The following FPR2 variants were observed in gnomAD, a reference collection of about 807,000 sequenced individuals.
FPR2 encodes formyl peptide receptor 2, also known as N-formyl peptide receptor 2.
FPR2 carries 3 observed loss-of-function variants against 4.0 expected under a neutral mutation model. The observed-to-expected ratio is 0.74, with a 90% CI of 0.34 to 1.92. The LOEUF (loss-of-function observed/expected upper bound fraction) is 1.92. Ranked by LOEUF, FPR2 falls within the 30% of genes most tolerant of loss-of-function variation. FPR2 has a pLI of 0.07. For missense variants in FPR2, 372 were observed against 435.7 expected (o/e 0.85, Z 1.30); for synonymous variants, 179 against 171.5 (o/e 1.04, Z -0.34).
At position 51,770,116 on chromosome 19, in the gene FPR2, A is replaced by T. The variant is rs2083892976; in HGVS notation, c.*402A>T. On this transcript the variant is annotated 3_prime_UTR_variant, in exon 2 of 2. Coordinates refer to ENST00000340023, the MANE Select transcript of FPR2 (RefSeq NM_001005738.2). Reference sequence around the variant, plus strand: ...GTTTTCTTCTATTTTTAGTTTGCTAAGAGTTTTCTGTTTCTTTTTCTTACA... The same window carrying T: ...GTTTTCTTCTATTTTTAGTTTGCTATGAGTTTTCTGTTTCTTTTTCTTACA... 5.6e-6 allele frequency: 1 copy of T among 178,614 alleles called. No homozygotes were observed. Among genetic ancestry groups the T allele is most frequent in the South Asian group, 1.6e-4 (1 of 6,334 alleles). 11.1% of individuals were successfully genotyped at this position (178,614 alleles called of 1,614,324 possible).
At chr19:51,765,761 T>A (rs1268318775) in intron 1 of FPR2, among the ~76,000 whole-genome samples, 1 of 152,178 alleles carries the variant, frequency 6.6e-6, no homozygotes, top group Admixed American at 6.5e-5. Flanking sequence ...GATTTCCACA[T>A]CTATTCTCAC....
chr19:51,769,264 G>T lies in FPR2; in HGVS notation c.606G>T (p.Gly202=). The change falls in exon 2 of 2, where the codon GGG becomes GGT. Residue 202 remains glycine (G), a synonymous_variant. Transcript: ENST00000340023. This position sits in a 1 kb window ranked among gnomAD's most constrained non-coding sequence, Gnocchi z 4.4. ...KVAITMLTAR[G]IIRFVIGFSL... ...CCATTACCATGCTGACAGCCAGAGG[G>T]ATTATCCGGTTTGTCATTGGCTTTA... is the stretch of plus-strand genomic sequence containing the variant. 1 of 1,614,210 alleles carries T rather than the reference G, an allele frequency of 6.2e-7. No individual in the cohort carries two copies. The highest frequency in any genetic ancestry group is 8.5e-7 in the Non-Finnish European group (1 of 1,180,044).
chr19:51,766,613 C>T (rs1340460631), intron 1 of FPR2, among the ~76,000 whole-genome samples: 2 of 152,166 alleles, frequency 1.3e-5, no homozygotes, highest in Admixed American at 1.3e-4. Flanking sequence ...CTTTCAAAGG[C>T]AGGACTTCCG....
At chr19:51,762,085 CTTTTT>C (rs373394742) in intron 1 of FPR2, among the ~76,000 whole-genome samples, 1 of 129,942 alleles carries the variant, frequency 7.7e-6, no homozygotes, top group Non-Finnish European at 1.6e-5. Context: ...TTTATTGGAC[CTTTTT>C]TTTTTTTTTT....
At chr19:51,768,200 AG>A (rs1294876983) in intron 1 of FPR2, among the ~76,000 whole-genome samples, 1 of 152,228 alleles carries the variant, frequency 6.6e-6, no homozygotes, top group African/African-American at 2.4e-5. Context: ...TTTGAGGGAC[AG>A]GAGTTGGGAG....
Position 51,769,332 on chromosome 19 carries a change from C to T in FPR2, c.674C>T (p.Ala225Val). 4.3e-6 allele frequency: 7 copies of T among 1,614,192 alleles called. No individual in the cohort carries two copies. Among genetic ancestry groups the T allele is most frequent in the Non-Finnish European group, 5.9e-6 (7 of 1,180,032 alleles). Residue 225 changes from alanine to valine, a missense_variant, in exon 2 of 2, where the codon GCA becomes GTA. Coordinates refer to ENST00000340023, the MANE Select transcript of FPR2 (RefSeq NM_001005738.2). The surrounding 1 kb of genome is among the most constrained non-coding windows in gnomAD (Gnocchi z 4.4). ...GTTGCCATCTGCTATGGGCTCATTG[C>T]AGCCAAGATCCACAAAAAGGGCATG... ...SIVAICYGLIAAKIHKKGMIK... is the reference protein window; with the variant it reads ...SIVAICYGLIVAKIHKKGMIK...
At chr19:51,764,558 C>T (rs1005181963) in intron 1 of FPR2, among the ~76,000 whole-genome samples, 5 of 152,128 alleles carry the variant, frequency 3.3e-5, no homozygotes, top group African/African-American at 4.8e-5. Flanking sequence ...AAGTCACTTC[C>T]GCTCTCTGAG....
intron 1 of FPR2, among the ~76,000 whole-genome samples, chr19:51,766,658 C>T (rs1200018956): frequency 2.6e-5 from 4 of 152,126 alleles, no homozygotes; most frequent in East Asian, 1.9e-4. Flanking sequence ...TTGTTCATCT[C>T]GGTTTCCGTA....
chr19:51,768,548 G>C, intron 1 of FPR2, 97 bp from the exon 2 acceptor site: 1 of 947,052 alleles, frequency 1.1e-6, no homozygotes, highest in South Asian at 1.7e-5. Flanking sequence ...TCTCCTGGTA[G>C]GAGTGGGAGC....
At chr19:51,763,035 T>G (rs1183128525) in intron 1 of FPR2, 1 of 152,198 alleles carries the variant, frequency 6.6e-6, no homozygotes, top group Non-Finnish European at 1.5e-5. Context: ...ACTGTTTGGT[T>G]GAGCCACGTT....
chr19:51,764,032 T>C (rs1360036590), intron 1 of FPR2, among the ~76,000 whole-genome samples: 3 of 152,208 alleles, frequency 2.0e-5, no homozygotes, highest in African/African-American at 7.2e-5. Context: ...ATGTTGGGAT[T>C]ACAGGTGTGA....
chr19:51,765,802 A>G (rs1256797796), intron 1 of FPR2, among the ~76,000 whole-genome samples: 1 of 152,202 alleles, frequency 6.6e-6, no homozygotes, highest in African/African-American at 2.4e-5. Flanking sequence ...AGACTTCACC[A>G]TAAAATTGTC....
intron 1 of FPR2, among the ~76,000 whole-genome samples, chr19:51,765,444 A>G (rs2083863042): frequency 6.6e-6 from 1 of 152,174 alleles, no homozygotes; most frequent in Admixed American, 6.5e-5. Flanking sequence ...AATGGCAAAA[A>G]CAGCGTTACT....
chr19:51,768,807 T>C lies in FPR2; in HGVS notation c.149T>C (p.Val50Ala). 6.2e-7 allele frequency: 1 copy of C among 1,614,132 alleles called. No individual in the cohort carries two copies. Among genetic ancestry groups the C allele is most frequent in the Non-Finnish European group, 8.5e-7 (1 of 1,180,020 alleles). The change falls in exon 2 of 2, where the codon GTG becomes GCG. Residue 50 changes from valine to alanine, a missense_variant. By Grantham distance (64) the Val-to-Ala change is moderately conservative (BLOSUM62 0). Transcript: ENST00000340023. ...CTGGGCAATGGGCTTGTGATCTGGG[T>C]GGCTGGATTCCGGATGACACGCACA... The part of the protein sequence containing the change: ...GVLGNGLVIW[V>A]AGFRMTRTVT...
At chr19:51,762,961 T>A (rs2083847783) in intron 1 of FPR2, 1 of 152,198 alleles carries the variant, frequency 6.6e-6, no homozygotes, top group South Asian at 2.1e-4. Context: ...AACAACTGAA[T>A]GTTTAAACTC....
rs188134333 is a variant in FPR2 at position 51,764,069 on chromosome 19, T to C, written c.-15+2839T>C. 1.1e-4 allele frequency among the ~76,000 whole-genome samples: 16 copies of C among 152,326 alleles called. No homozygotes were observed. The East Asian group carries it at 2.9e-3, about 28-fold the overall frequency. The stretch of plus-strand genomic sequence containing the variant: ...CCACGGCACCTGGCCAAGGATGGTT[T>C]CTTTTTAAAGGGAGGGGATATGATT... On this transcript the variant is annotated intron_variant, in intron 1 of 1. Transcript: ENST00000340023.
intron 1 of FPR2, among the ~76,000 whole-genome samples, chr19:51,761,581 A>G (rs535171388): frequency 6.6e-6 from 1 of 152,198 alleles, no homozygotes; most frequent in Non-Finnish European, 1.5e-5. Context: ...GTTGTAAGTC[A>G]CGTGTGTGGC....
intron 1 of FPR2, 34 bp from the exon 2 acceptor site, chr19:51,768,611 C>T (rs1362112765): frequency 6.6e-7 from 1 of 1,508,294 alleles, no homozygotes; most frequent in African/African-American, 1.4e-5. Context: ...GATGGTTCCA[C>T]AGCTGAGAAA....
At chr19:51,764,354 T>G (rs372493237) in intron 1 of FPR2, among the ~76,000 whole-genome samples, 2 of 152,160 alleles carry the variant, frequency 1.3e-5, no homozygotes, top group African/African-American at 4.8e-5. Context: ...CTCATTATAA[T>G]GTCAGTCAAG....
Sources: gnomAD v4.1 joint callset for allele counts (sites outside exome capture counted in the v4.1 genomes callset) on GRCh38, gnomAD v4.1.1 for gene constraint, Gnocchi (gnomAD v3.1) non-coding constraint, MANE v1.5 for transcripts, NCBI Gene and HGNC (gene_info 2026-07-23, HGNC 2026-07-21) for gene names.